The following TMCC2 variants were observed in gnomAD, a reference collection of about 807,000 sequenced individuals.
The protein encoded by TMCC2 is transmembrane and coiled-coil domain family 2, also known as transmembrane and coiled-coil domains protein 2.
Under a neutral mutation model 49.4 loss-of-function variants are expected in TMCC2, and 16 were observed. The observed-to-expected ratio is 0.32, with a 90% CI of 0.22 to 0.49. The LOEUF is 0.49. Ranked by LOEUF, TMCC2 falls within the 20% of genes least tolerant of loss-of-function variation. The pLI is 0.99. For missense variants in TMCC2, 762 were observed against 989.8 expected (o/e 0.77, Z 3.09); for synonymous variants, 397 against 434.1 (o/e 0.91, Z 1.06).
At chr1:205,237,063 G>A (rs974385683) in intron 1 of TMCC2, among the ~76,000 whole-genome samples, 6 of 152,042 alleles carry the variant, frequency 3.9e-5, no homozygotes, top group African/African-American at 1.2e-4. Flanking sequence ...CATCTGTGAG[G>A]CTGGGGAATA....
chr1:205,272,146 G>A lies in TMCC2; in HGVS notation c.*22G>A. 6.2e-7 allele frequency: 1 copy of A among 1,603,536 alleles called. No individual in the cohort carries two copies. The highest frequency in any genetic ancestry group is 8.5e-7 in the Non-Finnish European group (1 of 1,171,748). ...CTGAGTGGCCAGCCACACCAACCCT[G>A]TGCTCTCTGGCCCCCAGCTGGCCAC... On this transcript the variant is annotated 3_prime_UTR_variant, in exon 5 of 5. Transcript: ENST00000358024.
intron 2 of TMCC2, chr1:205,246,776 G>C (rs933519633): frequency 1.4e-6 from 2 of 1,399,028 alleles, no homozygotes; most frequent in East Asian, 5.2e-5. Flanking sequence ...TTTATGAGGA[G>C]GGAAAACGTG....
At position 205,239,769 on chromosome 1, in the gene TMCC2, G is replaced by A. The variant is rs149335033; in HGVS notation, c.208-1736G>A. ...GATTCTGGGGATACTCAAATGAGGT[G>A]AAAAATGAAAATCCTAAAATTTTAC... On this transcript the variant is annotated intron_variant, in intron 1 of 4. Coordinates refer to ENST00000358024, the MANE Select transcript of TMCC2 (RefSeq NM_014858.4). Among the ~76,000 whole-genome samples the A allele has an allele frequency of 9.7e-4, 147 of 152,252 alleles. 2 individuals carry two copies. The highest frequency in any genetic ancestry group is 3.3e-3 in the African/African-American group (139 of 41,546).
intron 2 of TMCC2, chr1:205,246,527 G>T: frequency 1.3e-6 from 2 of 1,520,140 alleles, no homozygotes; most frequent in Non-Finnish European, 1.8e-6. Context: ...CTCCACTGGG[G>T]AGAAGTCTGT....
chr1:205,257,274 C>T (rs1294555575), intron 2 of TMCC2: 4 of 1,232,138 alleles, frequency 3.2e-6, no homozygotes, highest in East Asian at 6.3e-5. Flanking sequence ...GGTCTGTGAC[C>T]CCGGGGGCCT....
intron 2 of TMCC2, among the ~76,000 whole-genome samples, chr1:205,246,100 G>T (rs1283820044): frequency 6.6e-6 from 1 of 152,076 alleles, no homozygotes; most frequent in Non-Finnish European, 1.5e-5. Context: ...TACTCTGGGG[G>T]TGGGGCGGAG....
chr1:205,232,954 A>C (rs1446231459), intron 1 of TMCC2, among the ~76,000 whole-genome samples: 3 of 143,598 alleles, frequency 2.1e-5, no homozygotes, highest in Non-Finnish European at 1.5e-5. Flanking sequence ...AAAAAAAAAA[A>C]AAAAAACACA....
chr1:205,257,363 A>G lies in TMCC2; in HGVS notation c.748-11587A>G, dbSNP rs1660919618. 1.5e-5 allele frequency: 19 copies of G among 1,232,070 alleles called. No homozygotes were observed. The Admixed American group carries it at 1.7e-4, about 11-fold the overall frequency. The allele number at this position is 1,232,070 out of a possible 1,614,324, so 76.3% of individuals were successfully genotyped here. The stretch of plus-strand genomic sequence containing the variant: ...CACGGCTTCGGGAAACAGTGCCCAC[A>G]CAGGTGAGGCGTCTGGTGGGTGGAA... On this transcript the variant is annotated intron_variant, in intron 2 of 4. Coordinates refer to ENST00000358024, the MANE Select transcript of TMCC2 (RefSeq NM_014858.4).
chr1:205,271,163 C>G lies in TMCC2; in HGVS notation c.1726C>G (p.His576Asp). ...GCAGCTCAACGACCTGACTGAGCTT[C>G]ATCAGAACGAGATGACGAACCTGAA... ...EEQLNDLTEL[H>D]QNEMTNLKQE... Residue 576 changes from histidine (H) to aspartate (D), a missense_variant, in exon 4 of 5, where the codon CAT becomes GAT. His to Asp is a moderately conservative substitution (Grantham distance 81). This residue lies in a region of TMCC2 where 440 missense variants were observed against 636.7 expected (regional missense o/e 0.69). Coordinates refer to ENST00000358024, the MANE Select transcript of TMCC2 (RefSeq NM_014858.4). The G allele has an allele frequency of 6.2e-7, 1 of 1,613,822 alleles. No individual in the cohort carries two copies. Among genetic ancestry groups the G allele is most frequent in the East Asian group, 2.2e-5 (1 of 44,878 alleles).
chr1:205,257,453 A>G, intron 2 of TMCC2: 1 of 1,197,544 alleles, frequency 8.4e-7, no homozygotes, highest in South Asian at 4.3e-5. Flanking sequence ...GCAGTTAGTC[A>G]GGTGGGCTGT....
At position 205,269,243 on chromosome 1, in the gene TMCC2, C is replaced by T. The variant is rs768618801; in HGVS notation, c.1041C>T (p.Ile347=). Reference sequence around the variant, plus strand: ...AGAACCAGAAGTCAGCCCAGACCATCGCCCAGCTGCACAAGAAGCTGGAGC... The same window carrying T: ...AGAACCAGAAGTCAGCCCAGACCATTGCCCAGCTGCACAAGAAGCTGGAGC... The part of the protein sequence containing the change: ...EKKNQKSAQT[I]AQLHKKLEHY... Residue 347 remains isoleucine, a synonymous_variant, in exon 3 of 5, where the codon ATC becomes ATT. Transcript: ENST00000358024. 17 of 1,613,934 alleles carry T rather than the reference C, an allele frequency of 1.1e-5. No homozygotes were observed. The highest frequency in any genetic ancestry group is 7.7e-5 in the South Asian group (7 of 91,090).
chr1:205,257,111 C>T, intron 2 of TMCC2: 1 of 1,218,098 alleles, frequency 8.2e-7, no homozygotes, highest in Non-Finnish European at 1.0e-6. Context: ...CTGTCTCCTG[C>T]CAGATGGGAA....
Position 205,272,233 on chromosome 1 carries a change from G to A in TMCC2, c.*109G>A, listed in dbSNP as rs751384175. Reference sequence around the variant, plus strand: ...TCCAGTTTGGCCTCCTGCCCAAACTGTCCATTCCAGCAGCTCCTGCCCCCT... The same window carrying A: ...TCCAGTTTGGCCTCCTGCCCAAACTATCCATTCCAGCAGCTCCTGCCCCCT... On this transcript the variant is annotated 3_prime_UTR_variant, in exon 5 of 5. Coordinates refer to ENST00000358024, the MANE Select transcript of TMCC2 (RefSeq NM_014858.4). 16 of 1,482,480 alleles carry A rather than the reference G, an allele frequency of 1.1e-5. No homozygotes were observed. The highest frequency in any genetic ancestry group is 4.9e-5 in the East Asian group (2 of 40,812). 91.8% of individuals were successfully genotyped at this position (1,482,480 alleles called of 1,614,324 possible). A position where few individuals can be genotyped will look rare whatever the true frequency, so the allele number is the denominator to read the frequency against.
chr1:205,253,016 C>T (rs1230683942), intron 2 of TMCC2, among the ~76,000 whole-genome samples: 2 of 151,756 alleles, frequency 1.3e-5, no homozygotes, highest in Non-Finnish European at 2.9e-5. Context: ...CACCTGTAGT[C>T]CCAGCTACTT....
chr1:205,250,621 A>G (rs1660631666), intron 2 of TMCC2, among the ~76,000 whole-genome samples: 1 of 152,192 alleles, frequency 6.6e-6, no homozygotes, highest in Admixed American at 6.5e-5. Flanking sequence ...ACCAGGATAG[A>G]GGGGGCAAAA....
chr1:205,241,784 CGGGGCGCCAGCCTGCACAGCAGCAGTG>C lies in TMCC2; in HGVS notation c.494_520del (p.Ala165_Gly173del), dbSNP rs772516314. On this transcript the variant is annotated inframe_deletion, in exon 2 of 5. Transcript: ENST00000358024. The surrounding 1 kb of genome is among the most constrained non-coding windows in gnomAD (Gnocchi z 7.3). The stretch of plus-strand genomic sequence containing the variant: ...GATCCGCTCCCGGCCCTCCATCAAG[CGGGGCGCCAGCCTGCACAGCAGCAGTG>C]GGGGCGGCAGCAGCGGGAGCAGCAG... 1 of 1,606,894 alleles carries C rather than the reference CGGGGCGCCAGCCTGCACAGCAGCAGTG, an allele frequency of 6.2e-7. No individual in the cohort carries two copies. Among genetic ancestry groups the C allele is most frequent in the East Asian group, 2.2e-5 (1 of 44,470 alleles).
intron 2 of TMCC2, chr1:205,267,794 G>T: frequency 1.2e-6 from 1 of 840,028 alleles, no homozygotes; most frequent in Non-Finnish European, 1.4e-6. Flanking sequence ...AAGCCTGCCC[G>T]CCTGGTGGGG....
At chr1:205,245,150 C>T (rs1660409190) in intron 2 of TMCC2, among the ~76,000 whole-genome samples, 1 of 152,056 alleles carries the variant, frequency 6.6e-6, no homozygotes, top group Admixed American at 6.5e-5. Flanking sequence ...GCAGGGACCT[C>T]GAAGGCCAGG....
chr1:205,250,277 G>A (rs567776086), intron 2 of TMCC2, among the ~76,000 whole-genome samples: 12 of 152,022 alleles, frequency 7.9e-5, no homozygotes, highest in African/African-American at 2.9e-4. Flanking sequence ...ACGGTGGCTC[G>A]TGCCTGTAAT....
Sources: allele counts gnomAD v4.1 joint callset (sites outside exome capture counted in the v4.1 genomes callset), GRCh38; gene constraint gnomAD v4.1.1; regional missense constraint gnomAD v4.1.1; non-coding constraint Gnocchi (gnomAD v3.1); transcripts MANE v1.5; gene names NCBI Gene and HGNC (gene_info 2026-07-23, HGNC 2026-07-21).